XYLT1: variants seen among roughly 807,000 people sequenced by gnomAD.
XYLT1 encodes beta-D-xylosyltransferase 1.
In XYLT1, 36 loss-of-function variants were observed where a neutral mutation model predicts 91.3. The observed-to-expected ratio is 0.39, with a 90% CI of 0.30 to 0.52. XYLT1 has a LOEUF of 0.52. XYLT1 is among the 20% of genes least tolerant of loss of function. The probability of loss-of-function intolerance (pLI) is 0.68; values close to 1 mark genes in which losing one functional copy is unlikely to be tolerated. For synonymous variants in XYLT1, 588 were observed against 532.0 expected (o/e 1.11, Z -1.45); for missense variants, 1,242 against 1,284.5 (o/e 0.97, Z 0.51).
At chr16:17,192,597 T>G (rs1239966655) in intron 5 of XYLT1, among the ~76,000 whole-genome samples, 1 of 152,182 alleles carries the variant, frequency 6.6e-6, no homozygotes, top group Non-Finnish European at 1.5e-5. Context: ...CATTTTCCAC[T>G]TTCATCCACG....
intron 6 of XYLT1, among the ~76,000 whole-genome samples, chr16:17,147,428 T>C (rs7196230): frequency 0.043 from 6,580 of 152,292 alleles, 509 homozygotes; most frequent in African/African-American, 0.15. Flanking sequence ...TGTTCCATTA[T>C]ATGGGATAAT....
chr16:17,197,537 G>C (rs1001894298), intron 5 of XYLT1, among the ~76,000 whole-genome samples: 1 of 152,148 alleles, frequency 6.6e-6, no homozygotes, highest in Non-Finnish European at 1.5e-5. Flanking sequence ...TGTTGCCAAA[G>C]GAGATTAACA....
Position 17,108,972 on chromosome 16 carries a change from A to C in XYLT1, c.2603T>G (p.Met868Arg). Residue 868 changes from methionine (M) to arginine (R), a missense_variant, in exon 12 of 12, where the codon ATG becomes AGG. Coordinates refer to ENST00000261381, the MANE Select transcript of XYLT1 (RefSeq NM_022166.4). ...LHNGPLRNAY[M>R]EQSFQSLNPV... ...GTTTAGGCTCTGGAAGCTCTGCTCCATGTAGGCATTGCGGAGGGGCCCATT... is the reference window on the plus strand; with the variant it reads ...GTTTAGGCTCTGGAAGCTCTGCTCCCTGTAGGCATTGCGGAGGGGCCCATT... The C allele has an allele frequency of 6.4e-7, 1 of 1,566,286 alleles. No homozygotes were observed. Among genetic ancestry groups the C allele is most frequent in the Non-Finnish European group, 8.7e-7 (1 of 1,148,022 alleles).
intron 1 of XYLT1, among the ~76,000 whole-genome samples, chr16:17,469,988 G>A (rs1391545522): frequency 1.3e-5 from 2 of 152,144 alleles, no homozygotes; most frequent in African/African-American, 4.8e-5. Flanking sequence ...GGGCTCAACT[G>A]TCTGCACCCA....
At chr16:17,341,382 C>T (rs1413843052) in intron 2 of XYLT1, among the ~76,000 whole-genome samples, 2 of 152,016 alleles carry the variant, frequency 1.3e-5, no homozygotes, top group African/African-American at 2.4e-5. Flanking sequence ...TTAAAAATAA[C>T]GACGAAGAAT....
chr16:17,220,030 G>T (rs1019358384), intron 3 of XYLT1, among the ~76,000 whole-genome samples: 3 of 152,194 alleles, frequency 2.0e-5, no homozygotes, highest in Non-Finnish European at 2.9e-5. Context: ...CCAGAGAACT[G>T]CAGGGGAAAG....
At chr16:17,178,298 A>C (rs2031988448) in intron 5 of XYLT1, among the ~76,000 whole-genome samples, 1 of 152,132 alleles carries the variant, frequency 6.6e-6, no homozygotes. Flanking sequence ...CCTGCTGTTT[A>C]ATAAGGGGTT....
chr16:17,229,252 G>C (rs533745440), intron 3 of XYLT1, among the ~76,000 whole-genome samples: 1 of 152,162 alleles, frequency 6.6e-6, no homozygotes, highest in African/African-American at 2.4e-5. Context: ...TGTGCAAAAG[G>C]CCTCCTGAAC....
chr16:17,267,573 A>G (rs1283955005), intron 2 of XYLT1, among the ~76,000 whole-genome samples: 1 of 152,044 alleles, frequency 6.6e-6, no homozygotes, highest in Non-Finnish European at 1.5e-5. Flanking sequence ...AGCCCGGCTA[A>G]TATTTTTTGT....
intron 5 of XYLT1, among the ~76,000 whole-genome samples, chr16:17,195,425 CT>C (rs570511337): frequency 9.3e-5 from 14 of 151,258 alleles, no homozygotes; most frequent in Admixed American, 4.0e-4. Flanking sequence ...CCACATCTTC[CT>C]TTTTTTTTGT....
At position 17,436,299 on chromosome 16, in the gene XYLT1, C is replaced by T. The variant is rs142597539; in HGVS notation, c.363+34135G>A. Among the ~76,000 whole-genome samples, 4 of 152,280 alleles carry T rather than the reference C, an allele frequency of 2.6e-5. No individual in the cohort carries two copies. In the East Asian group the frequency reaches 7.7e-4, roughly 29 times the overall value. Reference sequence around the variant, plus strand: ...TACACGGTCTAAGAGATGAGCATGTCAAGGCCCAGAGAGATGAAGTGACTT... The same window carrying T: ...TACACGGTCTAAGAGATGAGCATGTTAAGGCCCAGAGAGATGAAGTGACTT... On this transcript the variant is annotated intron_variant, in intron 1 of 11. Transcript: ENST00000261381.
At chr16:17,393,103 A>G (rs2035840588) in intron 1 of XYLT1, among the ~76,000 whole-genome samples, 2 of 152,104 alleles carry the variant, frequency 1.3e-5, no homozygotes, top group Non-Finnish European at 2.9e-5. Context: ...TGGAAAAAGC[A>G]CAGGCCAGAT....
chr16:17,268,869 C>G (rs577759861), intron 2 of XYLT1, among the ~76,000 whole-genome samples: 1 of 152,190 alleles, frequency 6.6e-6, no homozygotes, highest in Non-Finnish European at 1.5e-5. Flanking sequence ...GACAGGGTTT[C>G]ACCATGTTGG....
At chr16:17,123,014 C>T (rs1473953899) in intron 10 of XYLT1, among the ~76,000 whole-genome samples, 1 of 152,142 alleles carries the variant, frequency 6.6e-6, no homozygotes, top group African/African-American at 2.4e-5. Context: ...TAATGCAATG[C>T]CTCCAGATTT....
chr16:17,407,628 C>T (rs2141907983), intron 1 of XYLT1, among the ~76,000 whole-genome samples: 1 of 152,324 alleles, frequency 6.6e-6, no homozygotes, highest in East Asian at 1.9e-4. Flanking sequence ...CCCCACCCAT[C>T]TGTGTGACCC....
intron 2 of XYLT1, among the ~76,000 whole-genome samples, chr16:17,334,837 C>G (rs376157181): frequency 6.6e-6 from 1 of 151,660 alleles, no homozygotes; most frequent in Non-Finnish European, 1.5e-5. Flanking sequence ...GAGCTGAGAT[C>G]GCACCACTGC....
At chr16:17,351,569 C>G (rs999894298) in intron 2 of XYLT1, among the ~76,000 whole-genome samples, 2 of 152,082 alleles carry the variant, frequency 1.3e-5, no homozygotes, top group Admixed American at 6.5e-5. Context: ...CAGCCTACAG[C>G]TGGTTAAAGT....
At chr16:17,205,603 T>C (rs1253492371) in intron 3 of XYLT1, among the ~76,000 whole-genome samples, 1 of 152,200 alleles carries the variant, frequency 6.6e-6, no homozygotes, top group African/African-American at 2.4e-5. Context: ...TATACTGTCA[T>C]AGCCATCATT....
chr16:17,176,451 A>G (rs1009286142), intron 5 of XYLT1, among the ~76,000 whole-genome samples: 1 of 152,250 alleles, frequency 6.6e-6, no homozygotes, highest in Non-Finnish European at 1.5e-5. Flanking sequence ...CAACATGCCC[A>G]AGGGCACGTG....
Sources: allele counts gnomAD v4.1 joint callset (sites outside exome capture counted in the v4.1 genomes callset), GRCh38; gene constraint gnomAD v4.1.1; transcripts MANE v1.5; gene names NCBI Gene and HGNC (gene_info 2026-07-23, HGNC 2026-07-21).